The following MMP26 variants were observed in gnomAD, a reference collection of about 807,000 sequenced individuals.
MMP26 encodes matrix metalloproteinase-26.
In MMP26, 33 loss-of-function variants were observed where a neutral mutation model predicts 31.0. The ratio of observed to expected loss-of-function variants is 1.06; its 90% CI spans 0.81 to 1.42. The LOEUF is 1.42. MMP26 is among the 40% of genes most tolerant of loss of function. The pLI, the probability that MMP26 is intolerant of heterozygous loss-of-function variation, is 0.00. For synonymous variants in MMP26, 122 were observed against 114.9 expected, an observed-to-expected ratio of 1.06 and a Z score of -0.40; for missense variants, 347 against 316.1, an observed-to-expected ratio of 1.10 and a Z score of -0.74.
chr11:4,958,237 T>G (rs1473227156), intron 2 of MMP26, among the ~76,000 whole-genome samples: 1 of 152,248 alleles, frequency 6.6e-6, no homozygotes, highest in Non-Finnish European at 1.5e-5. Context: ...CCTTGTGCTC[T>G]GTCCAGAATT....
At chr11:4,902,280 T>TGATGCAGA (rs1248671819) in intron 2 of MMP26, among the ~76,000 whole-genome samples, 2 of 152,182 alleles carry the variant, frequency 1.3e-5, no homozygotes, top group Non-Finnish European at 2.9e-5. Flanking sequence ...GTTCCTATTG[T>TGATGCAGA]GATGCAGACA....
At chr11:4,721,301 G>C (rs1444605187) in intron 1 of MMP26, among the ~76,000 whole-genome samples, 1 of 152,176 alleles carries the variant, frequency 6.6e-6, no homozygotes. Flanking sequence ...AATAACTACA[G>C]CCAGCTAAAT....
chr11:4,931,294 T>C (rs1003684062), intron 2 of MMP26, among the ~76,000 whole-genome samples: 16 of 152,088 alleles, frequency 1.1e-4, no homozygotes, highest in Non-Finnish European at 1.8e-4. Context: ...AGTTTCTGAA[T>C]TGGTAAACAT....
At chr11:4,788,226 T>C (rs1848975055) in intron 2 of MMP26, among the ~76,000 whole-genome samples, 1 of 151,992 alleles carries the variant, frequency 6.6e-6, no homozygotes, top group South Asian at 2.1e-4. Context: ...AGAACAGCTG[T>C]GCTAACAGAG....
intron 2 of MMP26, among the ~76,000 whole-genome samples, chr11:4,817,818 T>A (rs765263742): frequency 4.6e-5 from 7 of 152,096 alleles, no homozygotes; most frequent in Non-Finnish European, 8.8e-5. Flanking sequence ...CAGGGTTGGG[T>A]TATATGCAGG....
chr11:4,992,323 C>A lies in MMP26; in HGVS notation c.*81C>A. 7.1e-7 allele frequency: 1 copy of A among 1,399,384 alleles called. No homozygotes were observed. Among genetic ancestry groups the A allele is most frequent in the Non-Finnish European group, 9.8e-7 (1 of 1,015,310 alleles). The allele number at this position is 1,399,384 out of a possible 1,614,324, so 86.7% of individuals were successfully genotyped here. A position where few individuals can be genotyped will look rare whatever the true frequency, so the allele number is the denominator to read the frequency against. On this transcript the variant is annotated 3_prime_UTR_variant, in exon 8 of 8. Transcript: ENST00000380390. ...AAAGAACTGAAAGCACTAGAGCAGC[C>A]TTGGGGACTGCTAGGATGAAGCCCT...
intron 2 of MMP26, among the ~76,000 whole-genome samples, chr11:4,931,999 C>A (rs897876497): frequency 6.6e-6 from 1 of 152,040 alleles, no homozygotes; most frequent in Non-Finnish European, 1.5e-5. Flanking sequence ...GAAAAATGAA[C>A]GTAGCAGCTC....
intron 2 of MMP26, among the ~76,000 whole-genome samples, chr11:4,853,374 T>G (rs1379193491): frequency 6.6e-6 from 1 of 152,138 alleles, no homozygotes; most frequent in African/African-American, 2.4e-5. Context: ...ATGTCAATTA[T>G]ACTTTAATAA....
At chr11:4,825,956 A>T (rs2133476188) in intron 2 of MMP26, among the ~76,000 whole-genome samples, 1 of 152,134 alleles carries the variant, frequency 6.6e-6, no homozygotes, top group East Asian at 1.9e-4. Flanking sequence ...AGAATTATTA[A>T]CAAGGAGCTA....
chr11:4,923,678 G>A, intron 2 of MMP26: 1 of 1,613,962 alleles, frequency 6.2e-7, no homozygotes, highest in South Asian at 1.1e-5. Context: ...AAGGATGAGG[G>A]CGTATGAGAG....
chr11:4,967,635 C>T (rs572582524), intron 2 of MMP26, among the ~76,000 whole-genome samples: 117 of 152,244 alleles, frequency 7.7e-4, no homozygotes, highest in African/African-American at 2.8e-3. Context: ...TAAGCTTTGG[C>T]TTCATAAAGT....
At chr11:4,734,305 AG>A (rs1005319601) in intron 1 of MMP26, among the ~76,000 whole-genome samples, 10 of 152,144 alleles carry the variant, frequency 6.6e-5, no homozygotes, top group Non-Finnish European at 1.5e-5. Flanking sequence ...CTTCTTGAGA[AG>A]TTTTACATTT....
chr11:4,728,948 T>C (rs1308827398), intron 1 of MMP26, among the ~76,000 whole-genome samples: 1 of 151,808 alleles, frequency 6.6e-6, no homozygotes, highest in Non-Finnish European at 1.5e-5. Flanking sequence ...TGCACGTTGA[T>C]GTATATAATA....
At chr11:4,834,642 G>T (rs866244956) in intron 2 of MMP26, among the ~76,000 whole-genome samples, 3 of 152,162 alleles carry the variant, frequency 2.0e-5, no homozygotes, top group South Asian at 4.1e-4. Context: ...GAGATCAAAT[G>T]AATGGAAAAA....
At chr11:4,845,119 TAAAAA>T (rs1376856576) in intron 2 of MMP26, among the ~76,000 whole-genome samples, 2 of 151,796 alleles carry the variant, frequency 1.3e-5, no homozygotes, top group Non-Finnish European at 2.9e-5. Context: ...GATCAAAAAT[TAAAAA>T]GAAAAAGAAA....
At chr11:4,849,131 T>C (rs775649547) in intron 2 of MMP26, 94 of 1,613,968 alleles carry the variant, frequency 5.8e-5, no homozygotes, top group Non-Finnish European at 7.5e-5. Flanking sequence ...CTGATAGGCC[T>C]GGCATGCCCA....
At chr11:4,943,526 T>A in intron 2 of MMP26, 1 of 455,916 alleles carries the variant, frequency 2.2e-6, no homozygotes, top group Non-Finnish European at 4.4e-6. Flanking sequence ...TTGTGCTAGA[T>A]AATTCTTTTG....
chr11:4,855,655 A>G (rs1343973103), intron 2 of MMP26, among the ~76,000 whole-genome samples: 2 of 152,326 alleles, frequency 1.3e-5, no homozygotes, highest in South Asian at 2.1e-4. Context: ...TCTTCAGGAT[A>G]TTATCCAGGA....
chr11:4,886,921 A>T (rs899567268), intron 2 of MMP26, among the ~76,000 whole-genome samples: 3 of 151,870 alleles, frequency 2.0e-5, no homozygotes, highest in African/African-American at 7.2e-5. Context: ...CTTATATTTC[A>T]GTAGATTTTA....
Sources: allele counts gnomAD v4.1 joint callset (sites outside exome capture counted in the v4.1 genomes callset), GRCh38; gene constraint gnomAD v4.1.1; transcripts MANE v1.5; gene names NCBI Gene and HGNC (gene_info 2026-07-23, HGNC 2026-07-21).